The following CES3 variants were observed in gnomAD, a reference collection of about 807,000 sequenced individuals.
The protein encoded by CES3 is carboxylesterase 3.
A neutral mutation model predicts 57.6 loss-of-function variants in CES3; 49 were observed. That is an observed-to-expected ratio of 0.85 (90% CI 0.68 to 1.08). The LOEUF is 1.08. Ranked by LOEUF, CES3 falls within the 50% of genes least tolerant of loss-of-function variation. The pLI is 0.00. For synonymous variants in CES3, 266 were observed against 281.6 expected (o/e 0.94, Z 0.55); for missense variants, 645 against 742.0 (o/e 0.87, Z 1.52).
chr16:66,966,393 G>C, intron 7 of CES3, 48 bp downstream of exon 7: 1 of 1,566,192 alleles, frequency 6.4e-7, no homozygotes, highest in Non-Finnish European at 8.8e-7. Context: ...CACAGAGGGG[G>C]TTCTATCCAT....
intron 10 of CES3, among the ~76,000 whole-genome samples, chr16:66,971,863 C>T (rs1015136446): frequency 7.2e-5 from 11 of 152,228 alleles, no homozygotes; most frequent in Admixed American, 1.3e-4. Flanking sequence ...TGGCCAGGCG[C>T]GGTGGGTGGC....
intron 6 of CES3, among the ~76,000 whole-genome samples, chr16:66,965,338 C>T (rs1056891135): frequency 5.3e-5 from 8 of 152,132 alleles, no homozygotes; most frequent in Middle Eastern, 3.2e-3. Context: ...TGGAGGGAGC[C>T]GTCCTGAAGA....
intron 10 of CES3, among the ~76,000 whole-genome samples, chr16:66,971,693 G>A (rs1374614734): frequency 6.6e-6 from 1 of 152,118 alleles, no homozygotes; most frequent in Non-Finnish European, 1.5e-5. Context: ...TGCAGACCCA[G>A]AACAGTTCCA....
intron 6 of CES3, 48 bp from the exon 7 acceptor site, chr16:66,966,195 TG>T (rs1408792771): frequency 9.0e-6 from 14 of 1,551,704 alleles, no homozygotes; most frequent in Non-Finnish European, 1.1e-5. Flanking sequence ...GGCTGCAAGG[TG>T]GGGCTGAGTG....
In CES3 at chr16:66,964,702, ACT is replaced by A. The variant is rs1567555954; in HGVS notation, c.798_799del (p.His267ProfsTer21). On this transcript the variant is annotated frameshift_variant, in exon 6 of 13. Coordinates refer to ENST00000303334, the MANE Select transcript of CES3 (RefSeq NM_024922.6). LOFTEE classifies it high-confidence loss of function. Reference sequence around the variant, plus strand: ...GTCATCACCACCCCAGGGATCATCGACTCTCACCCTTGGCCCCTAGCTCAGGT... The same window carrying A: ...GTCATCACCACCCCAGGGATCATCGACTCACCCTTGGCCCCTAGCTCAGGT... The A allele has an allele frequency of 6.2e-7, 1 of 1,611,820 alleles. No homozygotes were observed. The highest frequency in any genetic ancestry group is 1.1e-5 in the South Asian group (1 of 90,950).
intron 4 of CES3, 107 bp from the exon 5 acceptor site, chr16:66,964,250 T>G (rs1963697361): frequency 1.4e-6 from 2 of 1,458,508 alleles, no homozygotes; most frequent in Non-Finnish European, 1.9e-6. Context: ...AGGCCAGACC[T>G]GGGGAGCAGA....
At chr16:66,968,092 A>T (rs1963765031) in intron 8 of CES3, among the ~76,000 whole-genome samples, 1 of 152,018 alleles carries the variant, frequency 6.6e-6, no homozygotes, top group Non-Finnish European at 1.5e-5. Context: ...AATCTTCCAC[A>T]AATGGAGCGT....
Position 66,971,251 on chromosome 16 carries a change from C to A in CES3, c.1223C>A (p.Ala408Glu), listed in dbSNP as rs760003959. 12 of 1,613,970 alleles carry A rather than the reference C, an allele frequency of 7.4e-6. No individual in the cohort carries two copies. Among genetic ancestry groups the A allele is most frequent in the Non-Finnish European group, 9.3e-6 (11 of 1,179,986 alleles). Residue 408 changes from alanine (A) to glutamate (E), a missense_variant, in exon 10 of 13, where the codon GCG (alanine) becomes GAG (glutamate). By Grantham distance (107) the Ala-to-Glu change is moderately radical. Coordinates refer to ENST00000303334, the MANE Select transcript of CES3 (RefSeq NM_024922.6). Reference sequence around the variant, plus strand: ...TCGGACGCACAAGCCAAATGCCAGGCGTTCCAGGAATTCATGGGTGACGTA... The same window carrying A: ...TCGGACGCACAAGCCAAATGCCAGGAGTTCCAGGAATTCATGGGTGACGTA... ...SNSDAQAKCQ[A>E]FQEFMGDVFI...
chr16:66,965,555 G>A (rs578004826), intron 6 of CES3, among the ~76,000 whole-genome samples: 3 of 152,274 alleles, frequency 2.0e-5, no homozygotes, highest in East Asian at 3.9e-4. Context: ...GAACCTCTGC[G>A]TGGGCATGTT....
chr16:66,970,186 G>A (rs1422877017), intron 9 of CES3, among the ~76,000 whole-genome samples: 1 of 145,884 alleles, frequency 6.9e-6, no homozygotes, highest in African/African-American at 2.6e-5. Flanking sequence ...TCGGCTCACC[G>A]CAACATCCAC....
chr16:66,972,400 A>G lies in CES3; in HGVS notation c.1336A>G (p.Ser446Gly). The change falls in exon 11 of 13, where the codon AGT becomes GGT. Residue 446 changes from serine to glycine, a missense_variant. Coordinates refer to ENST00000303334, the MANE Select transcript of CES3 (RefSeq NM_024922.6). Reference protein sequence around the residue: ...VFFYEFQHRPSSFAKIKPAWV... With the variant: ...VFFYEFQHRPGSFAKIKPAWV... ...TTTCTATGAGTTCCAGCATCGACCC[A>G]GTTCTTTTGCGAAGATCAAACCTGC... 1 of 1,613,156 alleles carries G rather than the reference A, an allele frequency of 6.2e-7. No homozygotes were observed. Among genetic ancestry groups the G allele is most frequent in the Non-Finnish European group, 8.5e-7 (1 of 1,179,638 alleles).
At chr16:66,965,709 G>A (rs1963719840) in intron 6 of CES3, among the ~76,000 whole-genome samples, 1 of 152,170 alleles carries the variant, frequency 6.6e-6, no homozygotes, top group Non-Finnish European at 1.5e-5. Flanking sequence ...TCAAGGCTGA[G>A]GTTGGCGGAT....
intron 11 of CES3, 79 bp from the exon 12 acceptor site, chr16:66,972,589 C>T (rs759203030): frequency 2.6e-4 from 426 of 1,608,752 alleles, no homozygotes; most frequent in East Asian, 4.0e-4. Flanking sequence ...CACGGGTCTC[C>T]AGTCAGCACT....
chr16:66,963,163 T>A lies in CES3; in HGVS notation c.83-16T>A. 6.2e-7 allele frequency: 1 copy of A among 1,614,172 alleles called. No homozygotes were observed. The highest frequency in any genetic ancestry group is 8.5e-7 in the Non-Finnish European group (1 of 1,179,984). On this transcript the variant is annotated splice_polypyrimidine_tract_variant and intron_variant, in intron 1 of 12. Coordinates refer to ENST00000303334, the MANE Select transcript of CES3 (RefSeq NM_024922.6). This position sits in a 1 kb window ranked among gnomAD's most constrained non-coding sequence, Gnocchi z 4.9. ...GGCTGCAAACTCACCCCGTGGCCTTTCTGTCCTTCCCTCAGGGCCCGAAGT... is the reference window on the plus strand; with the variant it reads ...GGCTGCAAACTCACCCCGTGGCCTTACTGTCCTTCCCTCAGGGCCCGAAGT...
chr16:66,971,155 C>G lies in CES3; in HGVS notation c.1144-17C>G, dbSNP rs1460233799. 6.2e-7 allele frequency: 1 copy of G among 1,608,798 alleles called. No individual in the cohort carries two copies. Among genetic ancestry groups the G allele is most frequent in the Admixed American group, 1.7e-5 (1 of 59,732 alleles). On this transcript the variant is annotated splice_polypyrimidine_tract_variant and intron_variant, in intron 9 of 12. Transcript: ENST00000303334. Reference sequence around the variant, plus strand: ...CTGTGCACCCTGAGCAGGGCTGAGCCTGGCCTCTTGCCCCAGGATGTGCCC... The same window carrying G: ...CTGTGCACCCTGAGCAGGGCTGAGCGTGGCCTCTTGCCCCAGGATGTGCCC...
rs1440526477 is a variant in CES3 at position 66,964,384 on chromosome 16, C to G, written c.588C>G (p.Asn196Lys). 6.2e-7 allele frequency: 1 copy of G among 1,614,052 alleles called. No homozygotes were observed. The highest frequency in any genetic ancestry group is 8.5e-7 in the Non-Finnish European group (1 of 1,180,006). The stretch of plus-strand genomic sequence containing the variant: ...CTGGAGATGAGCATGCACCTGGCAA[C>G]CAGGGCTTCCTAGATGTGGTAGCTG... ...FSTGDEHAPG[N>K]QGFLDVVAAL... Residue 196 changes from asparagine (N) to lysine (K), a missense_variant, in exon 5 of 13, where the codon AAC (asparagine) becomes AAG (lysine). Transcript: ENST00000303334.
chr16:66,972,829 G>A, intron 12 of CES3, 25 bp from the exon 13 acceptor site: 1 of 1,613,936 alleles, frequency 6.2e-7, no homozygotes, highest in Non-Finnish European at 8.5e-7. Context: ...GGAAGCCTTG[G>A]TCCTCATTCA....
In CES3 at chr16:66,966,712, C is replaced by T; in HGVS notation, c.922-13C>T. On this transcript the variant is annotated splice_polypyrimidine_tract_variant and intron_variant, in intron 7 of 12. Coordinates refer to ENST00000303334, the MANE Select transcript of CES3 (RefSeq NM_024922.6). ...CCTAACTTGGGAGCCTCCTGCATTG[C>T]TTTCTCCTGCAGAAAAATACTATCT... 2 of 1,613,922 alleles carry T rather than the reference C, an allele frequency of 1.2e-6. No individual in the cohort carries two copies. Among genetic ancestry groups the T allele is most frequent in the Non-Finnish European group, 8.5e-7 (1 of 1,179,998 alleles).
At position 66,963,469 on chromosome 16, in the gene CES3, T is replaced by C. The variant is rs1203076885; in HGVS notation, c.288-22T>C. On this transcript the variant is annotated intron_variant, in intron 2 of 12. Transcript: ENST00000303334. This position sits in a 1 kb window ranked among gnomAD's most constrained non-coding sequence, Gnocchi z 4.9. ...GCTTGTGGGGCTGAACAGCTGGACC[T>C]CAGGCCCACCCTTGGCCACAGGTGC... The C allele has an allele frequency of 1.9e-6, 3 of 1,609,398 alleles. No individual in the cohort carries two copies. The highest frequency in any genetic ancestry group is 2.2e-5 in the East Asian group (1 of 44,750).
Sources: gnomAD v4.1 joint callset for allele counts (sites outside exome capture counted in the v4.1 genomes callset) on GRCh38, gnomAD v4.1.1 for gene constraint, Gnocchi (gnomAD v3.1) non-coding constraint, MANE v1.5 for transcripts, NCBI Gene and HGNC (gene_info 2026-07-23, HGNC 2026-07-21) for gene names.